LINGO2: variants seen among roughly 807,000 people sequenced by gnomAD.
LINGO2 encodes leucine-rich repeat and immunoglobulin-like domain-containing nogo receptor-interacting protein 2.
A neutral mutation model predicts 30.6 loss-of-function variants in LINGO2; 14 were observed. That is an observed-to-expected ratio of 0.46 (90% CI 0.30 to 0.72). The LOEUF is 0.72. LINGO2 is among the 30% of genes least tolerant of loss of function. The pLI, the probability that LINGO2 is intolerant of heterozygous loss-of-function variation, is 0.07. For synonymous variants in LINGO2, 317 were observed against 288.5 expected, an observed-to-expected ratio of 1.10 and a Z score of -1.00; for missense variants, 729 against 751.7, an observed-to-expected ratio of 0.97 and a Z score of 0.35.
At chr9:28,002,303 A>T (rs1047281341) in intron 5 of LINGO2, among the ~76,000 whole-genome samples, 1 of 105,220 alleles carries the variant, frequency 9.5e-6, no homozygotes, top group Non-Finnish European at 2.1e-5. Context: ...AATTTGTTTC[A>T]TATGACAAAC....
At chr9:29,209,822 A>G in the LINGO2 span, among the ~76,000 whole-genome samples, 221 of 152,300 alleles carry the variant, frequency 1.5e-3, 3 homozygotes, top group African/African-American at 5.0e-3. Flanking sequence ...GCTATGACAA[A>G]GAGAAATATT....
At chr9:28,877,613 C>T in the LINGO2 span, among the ~76,000 whole-genome samples, 1 of 152,040 alleles carries the variant, frequency 6.6e-6, no homozygotes, top group East Asian at 1.9e-4. Flanking sequence ...TGATCTATAT[C>T]TCTGTTTTGG....
At chr9:28,011,261 C>T (rs1822538286) in intron 5 of LINGO2, among the ~76,000 whole-genome samples, 1 of 152,058 alleles carries the variant, frequency 6.6e-6, no homozygotes, top group Non-Finnish European at 1.5e-5. Flanking sequence ...CAGAATTTTT[C>T]GTAGGGAGGG....
At chr9:28,149,171 G>A in intron 4 of LINGO2, 2 of 1,353,664 alleles carry the variant, frequency 1.5e-6, no homozygotes. Context: ...ATTCAGGAGA[G>A]TAAGAGAGCT....
chr9:29,071,497 A>ATATATATATATATATATGTATATG, the LINGO2 span, among the ~76,000 whole-genome samples: 1 of 119,074 alleles, frequency 8.4e-6, no homozygotes, highest in African/African-American at 3.5e-5. Context: ...ATATATATAT[A>ATATATATATATATATATGTATATG]TATATATATA....
the LINGO2 span, among the ~76,000 whole-genome samples, chr9:29,137,531 G>A: frequency 6.6e-6 from 1 of 152,106 alleles, no homozygotes; most frequent in Non-Finnish European, 1.5e-5. Flanking sequence ...AGGGTCCAAA[G>A]AGACAAAATA....
At chr9:28,793,257 T>G in the LINGO2 span, among the ~76,000 whole-genome samples, 2 of 152,132 alleles carry the variant, frequency 1.3e-5, no homozygotes, top group Non-Finnish European at 2.9e-5. Flanking sequence ...TTTTGAGCCA[T>G]TTTTGTTTTC....
the LINGO2 span, among the ~76,000 whole-genome samples, chr9:28,743,396 C>T: frequency 1.3e-5 from 2 of 151,766 alleles, no homozygotes; most frequent in Non-Finnish European, 2.9e-5. Context: ...CATGTGTTCT[C>T]ATTGTTCAAC....
At chr9:28,764,798 G>T in the LINGO2 span, among the ~76,000 whole-genome samples, 1 of 151,780 alleles carries the variant, frequency 6.6e-6, no homozygotes, top group African/African-American at 2.4e-5. Context: ...ACAAATTTAA[G>T]AAAGTTACAG....
intron 2 of LINGO2, among the ~76,000 whole-genome samples, chr9:28,414,781 G>T (rs1245304908): frequency 6.6e-6 from 1 of 152,074 alleles, no homozygotes; most frequent in Non-Finnish European, 1.5e-5. Context: ...CCACAGTAAT[G>T]ATGGATATTT....
the LINGO2 span, among the ~76,000 whole-genome samples, chr9:29,046,977 G>C: frequency 1.5e-4 from 4 of 27,090 alleles, no homozygotes; most frequent in Non-Finnish European, 3.6e-4. Context: ...TACTTGGTAG[G>C]CTGCGGCAGG....
the LINGO2 span, among the ~76,000 whole-genome samples, chr9:28,885,280 C>A: frequency 6.8e-5 from 10 of 146,196 alleles, no homozygotes; most frequent in African/African-American, 2.0e-4. Flanking sequence ...GAAGTGGTGG[C>A]GACCAGAAGC....
intron 1 of LINGO2, among the ~76,000 whole-genome samples, chr9:28,491,269 CT>C (rs1826385021): frequency 6.6e-6 from 1 of 152,176 alleles, no homozygotes. Context: ...TCTCTTGCAG[CT>C]TCTAGAGGCC....
intron 4 of LINGO2, among the ~76,000 whole-genome samples, chr9:28,145,496 T>C (rs1827787660): frequency 6.6e-6 from 1 of 152,232 alleles, no homozygotes; most frequent in Admixed American, 6.5e-5. Context: ...AAGATGAATT[T>C]TGATTTATAG....
intron 4 of LINGO2, among the ~76,000 whole-genome samples, chr9:28,193,859 T>C (rs186841608): frequency 6.6e-6 from 1 of 152,322 alleles, no homozygotes; most frequent in East Asian, 1.9e-4. Flanking sequence ...TCTCTCTATG[T>C]AGTCTTAGAG....
At chr9:28,943,834 T>C in the LINGO2 span, among the ~76,000 whole-genome samples, 2 of 152,128 alleles carry the variant, frequency 1.3e-5, no homozygotes, top group Non-Finnish European at 2.9e-5. Flanking sequence ...ATGTATAATA[T>C]CTAGGCAATC....
At chr9:28,163,854 C>A (rs1828355694) in intron 4 of LINGO2, among the ~76,000 whole-genome samples, 1 of 152,120 alleles carries the variant, frequency 6.6e-6, no homozygotes, top group Non-Finnish European at 1.5e-5. Context: ...GCTCTAATAA[C>A]AATTGTTCAA....
At chr9:28,597,385 C>G (rs1328101153) in intron 1 of LINGO2, among the ~76,000 whole-genome samples, 1 of 152,154 alleles carries the variant, frequency 6.6e-6, no homozygotes, top group African/African-American at 2.4e-5. Context: ...TAGAGAGGAA[C>G]AGTCACTCAA....
intron 4 of LINGO2, among the ~76,000 whole-genome samples, chr9:28,210,832 A>G (rs968836476): frequency 6.6e-6 from 1 of 151,452 alleles, no homozygotes; most frequent in African/African-American, 2.4e-5. Context: ...CTATCTGGTT[A>G]AACAGGAAGT....
Sources: gnomAD v4.1 joint callset for allele counts (sites outside exome capture counted in the v4.1 genomes callset) on GRCh38, gnomAD v4.1.1 for gene constraint, MANE v1.5 for transcripts, NCBI Gene and HGNC (gene_info 2026-07-23, HGNC 2026-07-21) for gene names.